CPLANE1: variants seen among roughly 807,000 people sequenced by gnomAD.
CPLANE1 encodes the protein ciliogenesis and planar polarity effector complex subunit 1.
In CPLANE1, 263 loss-of-function variants were observed where a neutral mutation model predicts 362.5. That is an observed-to-expected ratio of 0.73 (90% CI 0.66 to 0.80). The LOEUF is 0.80. Ranked by LOEUF, CPLANE1 falls within the 30% of genes least tolerant of loss-of-function variation. CPLANE1 has a pLI of 0.00. For missense variants in CPLANE1, 3,461 were observed against 3,793.4 expected, an observed-to-expected ratio of 0.91 and a Z score of 2.30; for synonymous variants, 1,212 against 1,302.6, an observed-to-expected ratio of 0.93 and a Z score of 1.50.
chr5:37,220,782 G>A (rs1173375978), intron 15 of CPLANE1, among the ~76,000 whole-genome samples: 3 of 152,186 alleles, frequency 2.0e-5, no homozygotes, highest in Non-Finnish European at 4.4e-5. Flanking sequence ...GCCTCCCAGA[G>A]TGCTGGGATT....
At chr5:37,210,416 A>G (rs1580764682) in intron 16 of CPLANE1, 2 of 993,746 alleles carry the variant, frequency 2.0e-6, no homozygotes, top group South Asian at 1.3e-5. Flanking sequence ...ATGAACTCCT[A>G]AAGTATCAAC....
chr5:37,082,511 G>A, the CPLANE1 span, among the ~76,000 whole-genome samples: 1 of 152,230 alleles, frequency 6.6e-6, no homozygotes, highest in Non-Finnish European at 1.5e-5. Context: ...ACAAAACAGA[G>A]AGCCCAGATG....
intron 44 of CPLANE1, chr5:37,140,104 A>G (rs957907842): frequency 2.2e-6 from 2 of 902,348 alleles, no homozygotes; most frequent in Non-Finnish European, 2.7e-6. Context: ...AGTATTAACT[A>G]TATGTCTTCA....
the CPLANE1 span, among the ~76,000 whole-genome samples, chr5:37,100,407 T>A: frequency 2.0e-5 from 3 of 152,198 alleles, no homozygotes; most frequent in Admixed American, 6.5e-5. Flanking sequence ...TTGTCGAAGA[T>A]CAGATGGTTA....
rs766138914 is a variant in CPLANE1, at chr5:37,185,112, C to G, written c.4190-33G>C. The G allele has an allele frequency of 7.8e-5, 121 of 1,554,666 alleles. 1 individual carries two copies. The South Asian group carries it at 1.0e-3, about 13-fold the overall frequency. On this transcript the variant is annotated intron_variant, in intron 24 of 52. Coordinates refer to ENST00000651892, the MANE Select transcript of CPLANE1 (RefSeq NM_001384732.1). ...GAAAAGAATAAAAAGTCTTAGTGTT[C>G]ATTAAAATATTTCAATTCAAGACAT...
intron 15 of CPLANE1, among the ~76,000 whole-genome samples, chr5:37,221,072 G>C (rs139212083): frequency 3.3e-4 from 50 of 152,312 alleles, no homozygotes; most frequent in Admixed American, 8.5e-4. Flanking sequence ...TTGGGAAGCT[G>C]AGAGTCCAAA....
At chr5:37,159,094 CTTTTTTT>C (rs34035923) in intron 38 of CPLANE1, among the ~76,000 whole-genome samples, 34 of 59,786 alleles carry the variant, frequency 5.7e-4, no homozygotes, top group Non-Finnish European at 7.3e-4. Context: ...AATTCACATT[CTTTTTTT>C]TTTTTTTTTT....
chr5:37,220,842 T>C (rs1795211448), intron 15 of CPLANE1, among the ~76,000 whole-genome samples: 1 of 152,212 alleles, frequency 6.6e-6, no homozygotes, highest in African/African-American at 2.4e-5. Context: ...AGACTAAAAA[T>C]ATTCTCGGAA....
chr5:37,178,790 C>T (rs1781924824), intron 29 of CPLANE1, among the ~76,000 whole-genome samples: 1 of 151,950 alleles, frequency 6.6e-6, no homozygotes, highest in South Asian at 2.1e-4. Flanking sequence ...GACAGGGTCT[C>T]ACTCTGTTGC....
At position 37,182,837 on chromosome 5, in the gene CPLANE1, C is replaced by A; in HGVS notation, c.5344G>T (p.Ala1782Ser). 6.2e-7 allele frequency: 1 copy of A among 1,613,424 alleles called. No homozygotes were observed. The highest frequency in any genetic ancestry group is 8.5e-7 in the Non-Finnish European group (1 of 1,179,786). The change falls in exon 26 of 53, where the codon GCT becomes TCT. Residue 1782 changes from alanine (A) to serine (S), a missense_variant. Transcript: ENST00000651892. ...AGCCATAATGATGTAAGAATGGCAGCTGTAGAGGTCTTTACACGAATTACT... is the reference window on the plus strand; with the variant it reads ...AGCCATAATGATGTAAGAATGGCAGATGTAGAGGTCTTTACACGAATTACT... Reference protein sequence around the residue: ...SPVIRVKTSTAAILTSLWLLE... With the variant: ...SPVIRVKTSTSAILTSLWLLE...
At chr5:37,238,822 A>G in intron 8 of CPLANE1, 35 bp downstream of exon 8, 1 of 1,281,372 alleles carries the variant, frequency 7.8e-7, no homozygotes, top group South Asian at 1.5e-5. Context: ...TTTAAAAGAA[A>G]AAAAGAAAAA....
intron 16 of CPLANE1, chr5:37,211,658 T>A: frequency 5.0e-6 from 4 of 801,640 alleles, no homozygotes; most frequent in Non-Finnish European, 9.1e-6. Flanking sequence ...CTTCCCCCAG[T>A]CCTTATCCTG....
intron 8 of CPLANE1, among the ~76,000 whole-genome samples, chr5:37,237,441 T>C (rs1799251068): frequency 6.6e-6 from 1 of 152,196 alleles, no homozygotes; most frequent in Non-Finnish European, 1.5e-5. Flanking sequence ...CATTGGAGAC[T>C]ACTAAAAGAC....
chr5:37,147,405 TA>T (rs1771994066), intron 43 of CPLANE1, among the ~76,000 whole-genome samples: 1 of 152,136 alleles, frequency 6.6e-6, no homozygotes. Flanking sequence ...TTTTACAAGC[TA>T]AAGAAATCAT....
intron 52 of CPLANE1, 70 bp downstream of exon 52, chr5:37,108,223 A>G: frequency 6.9e-7 from 1 of 1,438,976 alleles, no homozygotes; most frequent in Non-Finnish European, 9.6e-7. Flanking sequence ...AAAACAAACA[A>G]ACAAACAAAC....
At chr5:37,147,971 C>CAAAAAAAAAAAAAAAA (rs11284644) in intron 43 of CPLANE1, among the ~76,000 whole-genome samples, 31 of 15,310 alleles carry the variant, frequency 2.0e-3, no homozygotes, top group Non-Finnish European at 3.8e-3. Context: ...ACTGCCTTCT[C>CAAAAAAAAAAAAAAAA]AAAAAAAAAA....
chr5:37,085,874 T>A, the CPLANE1 span: 1 of 976,570 alleles, frequency 1.0e-6, no homozygotes, highest in Non-Finnish European at 1.6e-6. Flanking sequence ...GGTGACGTGT[T>A]AAATCTTTGT....
At chr5:37,165,399 G>A (rs1455211361) in intron 36 of CPLANE1, 140 bp downstream of exon 36, 3 of 773,178 alleles carry the variant, frequency 3.9e-6, no homozygotes, top group Non-Finnish European at 4.2e-6. Context: ...GAGGCAGCAG[G>A]GACTGATATA....
chr5:37,099,316 T>G, the CPLANE1 span, among the ~76,000 whole-genome samples: 1 of 152,132 alleles, frequency 6.6e-6, no homozygotes. Context: ...CAGTGCGTGT[T>G]GTTCCCCCAC....
Sources: gnomAD v4.1 joint callset for allele counts (sites outside exome capture counted in the v4.1 genomes callset) on GRCh38, gnomAD v4.1.1 for gene constraint, MANE v1.5 for transcripts, NCBI Gene and HGNC (gene_info 2026-07-23, HGNC 2026-07-21) for gene names.